Variants in HNRNPD observed in about 807,000 individuals in gnomAD.
HNRNPD encodes heterogeneous nuclear ribonucleoprotein D0.
Under a neutral mutation model 47.9 loss-of-function variants are expected in HNRNPD, and 3 were observed. The ratio of observed to expected loss-of-function variants is 0.06; its 90% CI spans 0.03 to 0.16. HNRNPD has a LOEUF of 0.16. Among genes scored for constraint, HNRNPD ranks in the 10% least tolerant of loss-of-function variants. The probability of loss-of-function intolerance (pLI) is 1.00; values close to 1 mark genes in which losing one functional copy is unlikely to be tolerated. For missense variants in HNRNPD, 287 were observed against 454.2 expected (o/e 0.63, Z 3.35); for synonymous variants, 171 against 165.1 (o/e 1.04, Z -0.28).
chr4:82,363,243 AT>A (rs570722243), intron 2 of HNRNPD, among the ~76,000 whole-genome samples: 4 of 149,544 alleles, frequency 2.7e-5, no homozygotes, highest in African/African-American at 7.4e-5. Flanking sequence ...TGCCAGGCTA[AT>A]TTTTTTTTGC....
chr4:82,357,244 A>G, intron 5 of HNRNPD, 69 bp downstream of exon 5: 1 of 1,487,270 alleles, frequency 6.7e-7, no homozygotes, highest in Non-Finnish European at 9.0e-7. Flanking sequence ...GCCTTTACAG[A>G]GAAAGATAAA....
intron 4 of HNRNPD, chr4:82,358,389 T>C: frequency 3.2e-6 from 1 of 314,264 alleles, no homozygotes; most frequent in Non-Finnish European, 5.7e-6. Context: ...TTCTTCCTCT[T>C]AATTGTCTGT....
At chr4:82,365,112 G>C (rs1719686274) in intron 2 of HNRNPD, among the ~76,000 whole-genome samples, 2 of 152,058 alleles carry the variant, frequency 1.3e-5, no homozygotes, top group Non-Finnish European at 2.9e-5. Context: ...GCTAGTCACA[G>C]AACTCCTGGA....
At chr4:82,354,280 G>A (rs1560432212) in intron 8 of HNRNPD, 126 bp from the exon 9 acceptor site, 1 of 152,226 alleles carries the variant, frequency 6.6e-6, no homozygotes, top group Non-Finnish European at 1.5e-5. Context: ...TTAAATGTGT[G>A]ATATGTTTTA....
intron 7 of HNRNPD, 110 bp downstream of exon 7, chr4:82,356,427 G>A: frequency 1.2e-6 from 1 of 844,584 alleles, no homozygotes; most frequent in Non-Finnish European, 1.8e-6. Flanking sequence ...CCAGGAATTT[G>A]AAACCTGAAG....
intron 2 of HNRNPD, among the ~76,000 whole-genome samples, chr4:82,368,312 C>G (rs1038964674): frequency 6.6e-6 from 1 of 151,990 alleles, no homozygotes; most frequent in Non-Finnish European, 1.5e-5. Flanking sequence ...TTAGGGCAGC[C>G]TTACCCTAAT....
chr4:82,357,094 TTTAC>T (rs1342271788), intron 5 of HNRNPD, among the ~76,000 whole-genome samples, 199 bp from the exon 6 acceptor site: 3 of 152,236 alleles, frequency 2.0e-5, no homozygotes, highest in Non-Finnish European at 4.4e-5. Flanking sequence ...GTTACTTCAT[TTTAC>T]TTGTCAAGTT....
intron 2 of HNRNPD, among the ~76,000 whole-genome samples, chr4:82,367,271 G>T (rs1398565873): frequency 1.3e-5 from 2 of 152,032 alleles, no homozygotes; most frequent in Non-Finnish European, 2.9e-5. Context: ...GCTTTGTAAG[G>T]TAAACTCCCA....
chr4:82,359,113 C>T (rs747990381), intron 3 of HNRNPD, among the ~76,000 whole-genome samples: 1 of 152,038 alleles, frequency 6.6e-6, no homozygotes, highest in African/African-American at 2.4e-5. Flanking sequence ...ACAAACATAA[C>T]TGCTACTTCC....
chr4:82,355,308 TG>T lies in HNRNPD; in HGVS notation c.*25del, dbSNP rs1723670574. 3 of 1,558,570 alleles carry T rather than the reference TG, an allele frequency of 1.9e-6. No individual in the cohort carries two copies. The highest frequency in any genetic ancestry group is 1.8e-6 in the Non-Finnish European group (2 of 1,130,216). On this transcript the variant is annotated 3_prime_UTR_variant, in exon 8 of 9. Coordinates refer to ENST00000313899, the MANE Select transcript of HNRNPD (RefSeq NM_031370.3). Reference sequence around the variant, plus strand: ...AAAACTATTTTTAGAACATACCTGTTGGGGATAAGTTGCAAATGGAATAATT... The same window carrying T: ...AAAACTATTTTTAGAACATACCTGTTGGGATAAGTTGCAAATGGAATAATT...
chr4:82,357,675 C>G (rs2109990101), intron 4 of HNRNPD: 1 of 333,928 alleles, frequency 3.0e-6, no homozygotes, highest in African/African-American at 2.1e-5. Flanking sequence ...TTACCACGCA[C>G]TGACATTTAC....
chr4:82,360,176 T>G (rs1162930912), intron 2 of HNRNPD, among the ~76,000 whole-genome samples: 1 of 152,094 alleles, frequency 6.6e-6, no homozygotes, highest in Non-Finnish European at 1.5e-5. Context: ...CTAAGAGTCC[T>G]TAAGACAAAA....
At chr4:82,365,308 A>C (rs1181450610) in intron 2 of HNRNPD, among the ~76,000 whole-genome samples, 3 of 152,212 alleles carry the variant, frequency 2.0e-5, no homozygotes, top group Non-Finnish European at 4.4e-5. Context: ...ATAAAACATA[A>C]ATGACCAATC....
At chr4:82,361,204 T>C (rs1233190704) in intron 2 of HNRNPD, among the ~76,000 whole-genome samples, 2 of 152,242 alleles carry the variant, frequency 1.3e-5, no homozygotes, top group Non-Finnish European at 2.9e-5. Flanking sequence ...GAATAGTGTG[T>C]ACCTTCTAAT....
intron 2 of HNRNPD, among the ~76,000 whole-genome samples, chr4:82,363,986 CCT>C (rs1318277481): frequency 1.3e-5 from 2 of 152,084 alleles, no homozygotes; most frequent in East Asian, 3.9e-4. Flanking sequence ...CCTACTGCTG[CCT>C]TTTTTTAAGA....
In HNRNPD at chr4:82,355,286, A is replaced by AC. The variant is rs1553895080; in HGVS notation, c.*30+17dup. 3.6e-6 allele frequency: 5 copies of AC among 1,385,116 alleles called. No individual in the cohort carries two copies. Among genetic ancestry groups the AC allele is most frequent in the Non-Finnish European group, 5.1e-6 (5 of 979,248 alleles). 85.8% of individuals were successfully genotyped at this position (1,385,116 alleles called of 1,614,324 possible). A position where few individuals can be genotyped will look rare whatever the true frequency, so the allele number is the denominator to read the frequency against. Reference sequence around the variant, plus strand: ...CTACTATTGTAAATGACAAAAAAAAACTATTTTTAGAACATACCTGTTGGG... The same window carrying AC: ...CTACTATTGTAAATGACAAAAAAAAACCTATTTTTAGAACATACCTGTTGGG... On this transcript the variant is annotated intron_variant, in intron 8 of 8. Coordinates refer to ENST00000313899, the MANE Select transcript of HNRNPD (RefSeq NM_031370.3).
At chr4:82,364,431 G>C (rs1241022386) in intron 2 of HNRNPD, among the ~76,000 whole-genome samples, 1 of 152,172 alleles carries the variant, frequency 6.6e-6, no homozygotes, top group Admixed American at 6.5e-5. Context: ...ATGATTGATA[G>C]AAGTTACTAT....
chr4:82,357,251 T>C (rs775259546), intron 5 of HNRNPD, 62 bp downstream of exon 5: 24 of 1,505,782 alleles, frequency 1.6e-5, no homozygotes, highest in Non-Finnish European at 2.1e-5. Context: ...CAGAGAAAGA[T>C]AAATGGTTAA....
chr4:82,356,325 A>G (rs1723709759), intron 7 of HNRNPD: 1 of 480,658 alleles, frequency 2.1e-6, no homozygotes, highest in Non-Finnish European at 3.7e-6. Context: ...CAGCAAACAT[A>G]TATAGAACCA....
Sources: allele counts gnomAD v4.1 joint callset (sites outside exome capture counted in the v4.1 genomes callset), GRCh38; gene constraint gnomAD v4.1.1; transcripts MANE v1.5; gene names NCBI Gene and HGNC (gene_info 2026-07-23, HGNC 2026-07-21).